ERC1: variants seen among roughly 807,000 people sequenced by gnomAD.
The protein encoded by ERC1 is RAB6 interacting protein 2.
In ERC1, 56 loss-of-function variants were observed where a neutral mutation model predicts 132.0. The ratio of observed to expected loss-of-function variants is 0.42; its 90% CI spans 0.34 to 0.53. The LOEUF is 0.53. Among genes scored for constraint, ERC1 ranks in the 20% least tolerant of loss-of-function variants. The pLI is 0.03. For synonymous variants in ERC1, 478 were observed against 476.1 expected (o/e 1.00, Z -0.05); for missense variants, 1,202 against 1,349.9 (o/e 0.89, Z 1.72).
chr12:1,456,694 G>A (rs1242058734), intron 18 of ERC1, among the ~76,000 whole-genome samples: 1 of 151,814 alleles, frequency 6.6e-6, no homozygotes, highest in Non-Finnish European at 1.5e-5. Flanking sequence ...CCAAGGGGGA[G>A]CACACATCAG....
intron 14 of ERC1, among the ~76,000 whole-genome samples, chr12:1,289,114 CACACACACACACACACAT>C (rs1388317862): frequency 2.1e-5 from 3 of 145,466 alleles, no homozygotes; most frequent in African/African-American, 7.7e-5. Flanking sequence ...CACACACACA[CACACACACACACACACAT>C]AACTATATAG....
intron 18 of ERC1, among the ~76,000 whole-genome samples, chr12:1,488,067 G>A (rs2094262755): frequency 6.6e-6 from 1 of 151,532 alleles, no homozygotes; most frequent in African/African-American, 2.4e-5. Context: ...GAACCTGGGA[G>A]GCGGAGGTTG....
chr12:1,494,591 T>C lies in ERC1; in HGVS notation c.*4361T>C. ...GTCTCCTGATTTTTTCCAATGTGTT[T>C]GGCAAGTGCTGTGGCCCTGTTGTAG... is the stretch of plus-strand genomic sequence containing the variant. On this transcript the variant is annotated 3_prime_UTR_variant, in exon 19 of 19. Transcript: ENST00000360905. 4.3e-6 allele frequency: 1 copy of C among 231,084 alleles called. No homozygotes were observed. The highest frequency in any genetic ancestry group is 6.2e-5 in the East Asian group (1 of 16,260). 14.3% of individuals were successfully genotyped at this position (231,084 alleles called of 1,614,324 possible).
intron 16 of ERC1, chr12:1,381,112 C>G (rs916468906): frequency 2.0e-5 from 3 of 152,200 alleles, no homozygotes; most frequent in Admixed American, 6.5e-5. Flanking sequence ...GTGTTAGGCA[C>G]TGCCAGGGCC....
chr12:1,209,097 T>C (rs1445696438), intron 12 of ERC1, among the ~76,000 whole-genome samples: 1 of 151,410 alleles, frequency 6.6e-6, no homozygotes, highest in Non-Finnish European at 1.5e-5. Context: ...GCCTTCTGAG[T>C]AGCTGGGATT....
intron 8 of ERC1, among the ~76,000 whole-genome samples, chr12:1,172,438 A>G (rs1953171441): frequency 6.6e-6 from 1 of 152,236 alleles, no homozygotes; most frequent in African/African-American, 2.4e-5. Context: ...GTCACACTTC[A>G]GCCTTGGTGA....
In ERC1 at chr12:1,183,369, C is replaced by T. The variant is rs747464797; in HGVS notation, c.2105C>T (p.Ala702Val). Residue 702 changes from alanine to valine, a missense_variant, in exon 11 of 19, where the codon GCT (alanine) becomes GTT (valine). Transcript: ENST00000360905. ...KDSRLKTLEI[A>V]LEQKKEECLK... is the part of the protein sequence containing the mutation. ...TCACGGCTTAAGACACTAGAGATTG[C>T]TTTGGAGCAGAAGAAGGAGGAGTGT... The T allele has an allele frequency of 6.3e-7, 1 of 1,596,370 alleles. No homozygotes were observed. The highest frequency in any genetic ancestry group is 1.1e-5 in the South Asian group (1 of 88,640).
intron 2 of ERC1, among the ~76,000 whole-genome samples, chr12:1,047,425 C>T (rs761614379): frequency 2.6e-5 from 4 of 151,712 alleles, no homozygotes; most frequent in South Asian, 2.1e-4. Context: ...TGCCAAAGCC[C>T]GAAAGAAGAA....
rs1428394314 is a variant in ERC1 at position 1,122,029 on chromosome 12, ATCTATC to A, written c.1569+6010_1569+6015del. 1.4e-3 allele frequency among the ~76,000 whole-genome samples: 2 copies of A among 1,386 alleles called. 1 individual carries two copies. Among genetic ancestry groups the A allele is most frequent in the African/African-American group, 1.6e-3 (2 of 1,242 alleles). The allele number at this position is 1,386 out of a possible 152,430, so 0.9% of individuals were successfully genotyped here. On this transcript the variant is annotated intron_variant, in intron 7 of 18. Transcript: ENST00000360905. ...TCTATCTATCTCTATCTCTATCTCTATCTATCTCTATCTCTATCTATCTATCTCTAT... is the reference window on the plus strand; with the variant it reads ...TCTATCTATCTCTATCTCTATCTCTATCTATCTCTATCTATCTATCTCTAT...
intron 1 of ERC1, among the ~76,000 whole-genome samples, chr12:1,006,358 C>T (rs556307379): frequency 1.3e-5 from 2 of 152,268 alleles, no homozygotes; most frequent in African/African-American, 4.8e-5. Context: ...TTCAACCTTC[C>T]AAGTAGCTGG....
At chr12:1,295,590 A>G (rs1282604531) in intron 15 of ERC1, among the ~76,000 whole-genome samples, 1 of 152,184 alleles carries the variant, frequency 6.6e-6, no homozygotes, top group Non-Finnish European at 1.5e-5. Flanking sequence ...TCTAGCTGAG[A>G]TAACACAAAA....
At chr12:1,104,700 A>G (rs759872501) in intron 3 of ERC1, 50 bp from the exon 4 acceptor site, 29 of 1,325,812 alleles carry the variant, frequency 2.2e-5, no homozygotes, top group Non-Finnish European at 3.1e-5. Flanking sequence ...TTTGAAAAAA[A>G]TGAGGGTGAA....
intron 11 of ERC1, among the ~76,000 whole-genome samples, chr12:1,186,603 C>G (rs1446898886): frequency 1.3e-5 from 2 of 152,158 alleles, no homozygotes; most frequent in African/African-American, 4.8e-5. Context: ...TTGACCTTTT[C>G]ACATTCTAAA....
At chr12:1,413,661 G>A (rs1242527656) in intron 17 of ERC1, among the ~76,000 whole-genome samples, 2 of 152,142 alleles carry the variant, frequency 1.3e-5, no homozygotes, top group South Asian at 2.1e-4. Context: ...TTCTGCTCAG[G>A]CATTCATGTT....
chr12:1,327,287 T>C (rs932907522), intron 15 of ERC1, among the ~76,000 whole-genome samples: 2 of 152,076 alleles, frequency 1.3e-5, no homozygotes, highest in Admixed American at 6.5e-5. Context: ...GAGTCTTGTC[T>C]TATATCTTTA....
chr12:1,265,482 T>C lies in ERC1; in HGVS notation c.2619+2317T>C, dbSNP rs552303287. The stretch of plus-strand genomic sequence containing the variant: ...GCAGAAAGTGCAAAGAGCTTCCATT[T>C]ACGCCTTTCTCTGCCTCAGTTTCCC... On this transcript the variant is annotated intron_variant, in intron 14 of 18. Coordinates refer to ENST00000360905, the MANE Select transcript of ERC1 (RefSeq NM_178040.4). Among the ~76,000 whole-genome samples the C allele has an allele frequency of 8.0e-4, 122 of 152,354 alleles. 1 individual carries two copies. The highest frequency in any genetic ancestry group is 2.8e-3 in the African/African-American group (118 of 41,586).
chr12:1,437,007 C>A (rs2092969194), intron 17 of ERC1, among the ~76,000 whole-genome samples: 2 of 152,098 alleles, frequency 1.3e-5, no homozygotes, highest in African/African-American at 2.4e-5. Flanking sequence ...CTTAACTCTT[C>A]CATTTTTCAC....
chr12:1,259,802 C>T (rs1240727147), intron 13 of ERC1, among the ~76,000 whole-genome samples: 4 of 152,150 alleles, frequency 2.6e-5, no homozygotes, highest in Admixed American at 6.5e-5. Flanking sequence ...GGATTGCAGG[C>T]GTGAGCCACC....
intron 7 of ERC1, among the ~76,000 whole-genome samples, chr12:1,139,643 A>T (rs970376224): frequency 6.6e-6 from 1 of 152,158 alleles, no homozygotes; most frequent in African/African-American, 2.4e-5. Flanking sequence ...ACATGAACAC[A>T]TGCAGGAAGG....
Sources: allele counts gnomAD v4.1 joint callset (sites outside exome capture counted in the v4.1 genomes callset), GRCh38; gene constraint gnomAD v4.1.1; transcripts MANE v1.5; gene names NCBI Gene and HGNC (gene_info 2026-07-23, HGNC 2026-07-21).